Variants in HSPA12A observed in about 807,000 individuals in gnomAD.
HSPA12A encodes the protein heat shock protein family A (Hsp70) member 12A.
HSPA12A carries 28 observed loss-of-function variants against 69.2 expected under a neutral mutation model. The ratio of observed to expected loss-of-function variants is 0.40; its 90% CI spans 0.30 to 0.55. HSPA12A has a LOEUF of 0.55. Ranked by LOEUF, HSPA12A falls within the 20% of genes least tolerant of loss-of-function variation. The probability of loss-of-function intolerance (pLI) is 0.38; values close to 1 mark genes in which losing one functional copy is unlikely to be tolerated. For synonymous variants in HSPA12A, 345 were observed against 370.5 expected (o/e 0.93, Z 0.79); for missense variants, 686 against 900.7 (o/e 0.76, Z 3.05).
exon 1 of HSPA12A, chr10:116,849,572 G>A: frequency 1.3e-6 from 2 of 1,541,548 alleles, no homozygotes; most frequent in Non-Finnish European, 1.8e-6. Context: ...CTACCATGGA[G>A]GAAGAAGGCG....
chr10:116,675,294 G>T lies in HSPA12A; in HGVS notation c.1515C>A (p.Ile505=). ...TGGTGAGGCCCACGTCCTGGGGGAT[G>T]ATGATCCGGCACTGGTCCCCAAAAG... ...QAAFGDQCRI[I]IPQDVGLTIL... Residue 505 remains isoleucine (I), a synonymous_variant, in exon 12 of 12, where the codon ATC becomes ATA. Transcript: ENST00000369209. The surrounding 1 kb of genome is among the most constrained non-coding windows in gnomAD (Gnocchi z 5.2). 1 of 1,613,494 alleles carries T rather than the reference G, an allele frequency of 6.2e-7. No homozygotes were observed.
intron 1 of HSPA12A, among the ~76,000 whole-genome samples, chr10:116,742,024 C>A (rs1359685899): frequency 6.6e-6 from 1 of 152,178 alleles, no homozygotes; most frequent in Non-Finnish European, 1.5e-5. Flanking sequence ...GCCACCCGGC[C>A]ACCCGGCGGC....
intron 1 of HSPA12A, among the ~76,000 whole-genome samples, chr10:116,713,137 A>G (rs1850493885): frequency 6.7e-6 from 1 of 150,024 alleles, no homozygotes; most frequent in African/African-American, 2.4e-5. Flanking sequence ...CTGCAGTGTC[A>G]TCTTTGAAAA....
At position 116,723,116 on chromosome 10, in the gene HSPA12A, C is replaced by T. The variant is rs1164457968; in HGVS notation, c.41-15831G>A. Among the ~76,000 whole-genome samples, 2 of 152,170 alleles carry T rather than the reference C, an allele frequency of 1.3e-5. No homozygotes were observed. The highest frequency in any genetic ancestry group is 4.8e-5 in the African/African-American group (2 of 41,430). On this transcript the variant is annotated intron_variant, in intron 1 of 11. Transcript: ENST00000369209. The surrounding 1 kb of genome is among the most constrained non-coding windows in gnomAD (Gnocchi z 4.1). ...AACCACCACCATCATCATGTCACTC[C>T]CAGCCTCAAGCACCTACTGTAGCTC...
intron 2 of HSPA12A, among the ~76,000 whole-genome samples, chr10:116,825,243 C>T (rs895061216): frequency 6.6e-6 from 1 of 151,112 alleles, no homozygotes; most frequent in Non-Finnish European, 1.5e-5. Flanking sequence ...GGCGTGGTGG[C>T]TTATGCCTGT....
chr10:116,762,889 T>G lies in HSPA12A; in HGVS notation c.92-55604A>C, dbSNP rs560698639. Among the ~76,000 whole-genome samples, 3 of 152,356 alleles carry G rather than the reference T, an allele frequency of 2.0e-5. No homozygotes were observed. The South Asian group carries it at 6.2e-4, about 32-fold the overall frequency. On this transcript the variant is annotated intron_variant, in intron 2 of 12. Transcript: ENST00000635765. ...CCATGCCTGGCCTTCCTCTTACTCT[T>G]TCAAAATTCAGTAGGGCATCCCTCC...
intron 2 of HSPA12A, among the ~76,000 whole-genome samples, chr10:116,789,057 G>T (rs1844643293): frequency 6.6e-6 from 1 of 151,990 alleles, no homozygotes; most frequent in Admixed American, 6.6e-5. Flanking sequence ...GTGGAGACAA[G>T]GTTTCACCAT....
intron 2 of HSPA12A, among the ~76,000 whole-genome samples, chr10:116,806,508 A>G (rs1845070997): frequency 6.6e-6 from 1 of 152,168 alleles, no homozygotes; most frequent in African/African-American, 2.4e-5. Context: ...CACCTGGCCT[A>G]TTGCAGACAT....
At chr10:116,702,130 G>T (rs1365775074) in intron 3 of HSPA12A, among the ~76,000 whole-genome samples, 3 of 82,538 alleles carry the variant, frequency 3.6e-5, no homozygotes, top group African/African-American at 1.3e-4. Context: ...GACAGAGAGA[G>T]AGAGAGAGAG....
At chr10:116,697,417 G>A (rs891625554) in intron 5 of HSPA12A, among the ~76,000 whole-genome samples, 3 of 149,252 alleles carry the variant, frequency 2.0e-5, no homozygotes, top group South Asian at 2.2e-4. Flanking sequence ...GGGGGCTCAC[G>A]CTATTAGCTT....
chr10:116,810,431 T>C (rs990305673), intron 2 of HSPA12A, among the ~76,000 whole-genome samples: 1 of 152,176 alleles, frequency 6.6e-6, no homozygotes, highest in African/African-American at 2.4e-5. Context: ...TTCTTTCCTC[T>C]CTACCACCTC....
At chr10:116,810,853 T>C (rs1845165077) in intron 2 of HSPA12A, among the ~76,000 whole-genome samples, 2 of 152,128 alleles carry the variant, frequency 1.3e-5, no homozygotes, top group African/African-American at 4.8e-5. Context: ...CACGGTAATT[T>C]AGCCAAGGCC....
At chr10:116,677,201 G>A (rs1384275093) in intron 10 of HSPA12A, among the ~76,000 whole-genome samples, 1 of 152,218 alleles carries the variant, frequency 6.6e-6, no homozygotes, top group Non-Finnish European at 1.5e-5. Flanking sequence ...TAAATACCAT[G>A]TCTGTGAAAG....
upstream of HSPA12A, among the ~76,000 whole-genome samples, chr10:116,744,643 GCCCTCACGGCCTTCATGCTCATCACA>G (rs1554887672): frequency 6.6e-6 from 1 of 152,258 alleles, no homozygotes; most frequent in East Asian, 1.9e-4. Context: ...CCTGGGATTT[GCCCTCACGGCCTTCATGCTCATCACA>G]CTAATTACAA....
chr10:116,780,403 G>C (rs2121541), intron 2 of HSPA12A, among the ~76,000 whole-genome samples: 36,578 of 151,788 alleles, frequency 0.24, 5,025 homozygotes, highest in South Asian at 0.39. Flanking sequence ...CCAGGCTGGA[G>C]TGCAGAGGTG....
At chr10:116,761,201 T>G (rs1391288343) in intron 2 of HSPA12A, among the ~76,000 whole-genome samples, 1 of 151,882 alleles carries the variant, frequency 6.6e-6, no homozygotes, top group Non-Finnish European at 1.5e-5. Flanking sequence ...AATACAAACA[T>G]TAGGCTGGGA....
intron 1 of HSPA12A, among the ~76,000 whole-genome samples, chr10:116,733,733 T>C (rs1851229957): frequency 6.6e-6 from 1 of 152,212 alleles, no homozygotes; most frequent in South Asian, 2.1e-4. Context: ...CTGTAGGCTC[T>C]TCCTATTGGC....
chr10:116,683,705 G>T, intron 7 of HSPA12A, 86 bp downstream of exon 7: 1 of 1,304,792 alleles, frequency 7.7e-7, no homozygotes, highest in Non-Finnish European at 1.0e-6. Context: ...ATGGCACTAA[G>T]TGCCTTTAAA....
Position 116,742,530 on chromosome 10 carries a change from C to G in HSPA12A, c.-61G>C. On this transcript the variant is annotated 5_prime_UTR_variant, in exon 1 of 12. Coordinates refer to ENST00000369209, the MANE Select transcript of HSPA12A (RefSeq NM_025015.3). Reference sequence around the variant, plus strand: ...GCGCAGCGCCCGTGCCCGTGCGGGTCTCTGTCCGCGTCCGCGGCGGCGCTC... The same window carrying G: ...GCGCAGCGCCCGTGCCCGTGCGGGTGTCTGTCCGCGTCCGCGGCGGCGCTC... The G allele has an allele frequency of 4.2e-6, 5 of 1,203,246 alleles. No homozygotes were observed. Among genetic ancestry groups the G allele is most frequent in the Non-Finnish European group, 4.1e-6 (4 of 968,894 alleles). 74.5% of individuals were successfully genotyped at this position (1,203,246 alleles called of 1,614,324 possible).
Sources: gnomAD v4.1 joint callset for allele counts (sites outside exome capture counted in the v4.1 genomes callset) on GRCh38, gnomAD v4.1.1 for gene constraint, Gnocchi (gnomAD v3.1) non-coding constraint, MANE v1.5 for transcripts, NCBI Gene and HGNC (gene_info 2026-07-23, HGNC 2026-07-21) for gene names.